LAMP3: variants seen among roughly 807,000 people sequenced by gnomAD.
LAMP3 encodes lysosome associated membrane protein 3.
LAMP3 carries 26 observed loss-of-function variants against 34.8 expected under a neutral mutation model. The ratio of observed to expected loss-of-function variants is 0.75; its 90% CI spans 0.55 to 1.04. The LOEUF (loss-of-function observed/expected upper bound fraction) is 1.04, where lower values mean the gene tolerates loss of function less well. LAMP3 is among the 50% of genes least tolerant of loss of function. The pLI, the probability that LAMP3 is intolerant of heterozygous loss-of-function variation, is 0.00. For synonymous variants in LAMP3, 180 were observed against 201.9 expected (o/e 0.89, Z 0.92); for missense variants, 495 against 524.0 (o/e 0.94, Z 0.54).
chr3:183,149,413 G>A (rs1720545120), intron 3 of LAMP3, among the ~76,000 whole-genome samples: 1 of 151,214 alleles, frequency 6.6e-6, no homozygotes, highest in South Asian at 2.1e-4. Context: ...GGTGGTGCGT[G>A]GCTGTAGTGT....
At chr3:183,161,149 G>A (rs951556812) in intron 1 of LAMP3, among the ~76,000 whole-genome samples, 1 of 152,156 alleles carries the variant, frequency 6.6e-6, no homozygotes, top group Non-Finnish European at 1.5e-5. Flanking sequence ...TTCAGTGAGG[G>A]AACTGAGCAC....
chr3:183,136,779 T>C (rs1426980276), intron 4 of LAMP3, among the ~76,000 whole-genome samples: 4 of 151,906 alleles, frequency 2.6e-5, no homozygotes, highest in African/African-American at 9.7e-5. Flanking sequence ...GCCTAAGGAC[T>C]GGCCCTCTCT....
intron 1 of LAMP3, among the ~76,000 whole-genome samples, chr3:183,161,390 TTTTA>T (rs1417555463): frequency 6.6e-6 from 1 of 151,186 alleles, no homozygotes; most frequent in Non-Finnish European, 1.5e-5. Flanking sequence ...GTATTTTTAT[TTTTA>T]TTTATTTATT....
chr3:183,154,077 C>T lies in LAMP3; in HGVS notation c.364G>A (p.Glu122Lys), dbSNP rs1720749083. 4.3e-6 allele frequency: 7 copies of T among 1,614,098 alleles called. No individual in the cohort carries two copies. Among genetic ancestry groups the T allele is most frequent in the East Asian group, 4.5e-5 (2 of 44,884 alleles). The change falls in exon 2 of 6, where the codon GAA (glutamate) becomes AAA (lysine). Residue 122 changes from glutamate to lysine, a missense_variant. Coordinates refer to ENST00000265598, the MANE Select transcript of LAMP3 (RefSeq NM_014398.4). ...GCTAAGCTAGGGCCGACTGTAACTTCAGTAACTGGAGGAGCTGTGTGTGAG... is the reference window on the plus strand; with the variant it reads ...GCTAAGCTAGGGCCGACTGTAACTTTAGTAACTGGAGGAGCTGTGTGTGAG... The part of the protein sequence containing the change: ...NNSHTAPPVT[E>K]VTVGPSLAPY...
At chr3:183,129,013 ACT>A (rs1383092787) in intron 5 of LAMP3, among the ~76,000 whole-genome samples, 1 of 152,174 alleles carries the variant, frequency 6.6e-6, no homozygotes, top group African/African-American at 2.4e-5. Flanking sequence ...ACAGAGCAAG[ACT>A]CTGTCTCAAA....
intron 5 of LAMP3, among the ~76,000 whole-genome samples, chr3:183,131,233 T>C (rs973318655): frequency 1.3e-5 from 2 of 152,228 alleles, no homozygotes; most frequent in African/African-American, 4.8e-5. Flanking sequence ...TACTTGATTT[T>C]AAATTCTGCT....
chr3:183,135,816 C>T lies in LAMP3; in HGVS notation c.1018G>A (p.Val340Met), dbSNP rs763889828. Residue 340 changes from valine (V) to methionine (M), a missense_variant, in exon 5 of 6, where the codon GTG becomes ATG. Coordinates refer to ENST00000265598, the MANE Select transcript of LAMP3 (RefSeq NM_014398.4). Reference sequence around the variant, plus strand: ...GACAACTGGAGGCTCTGTTCACTCACGCACTTGAAGGAATGCCCGACTGCT... The same window carrying T: ...GACAACTGGAGGCTCTGTTCACTCATGCACTTGAAGGAATGCCCGACTGCT... ...QTAVGHSFKC[V>M]SEQSLQLSAH... is the part of the protein sequence containing the mutation. The T allele has an allele frequency of 3.8e-5, 62 of 1,613,846 alleles. No homozygotes were observed. Among genetic ancestry groups the T allele is most frequent in the Middle Eastern group, 1.6e-4 (1 of 6,084 alleles).
chr3:183,148,646 G>A (rs560219042), intron 3 of LAMP3, among the ~76,000 whole-genome samples: 27 of 152,308 alleles, frequency 1.8e-4, no homozygotes, highest in African/African-American at 5.5e-4. Context: ...ACAATGAGAT[G>A]TCATCTCACC....
At chr3:183,159,691 C>A (rs1157313032) in intron 1 of LAMP3, among the ~76,000 whole-genome samples, 1 of 152,236 alleles carries the variant, frequency 6.6e-6, no homozygotes, top group Non-Finnish European at 1.5e-5. Flanking sequence ...ACCCAGTCTC[C>A]CCTTCTTTCT....
intron 2 of LAMP3, 22 bp downstream of exon 2, chr3:183,153,660 T>C: frequency 2.7e-6 from 4 of 1,474,788 alleles, no homozygotes; most frequent in Non-Finnish European, 3.6e-6. Context: ...GATAGTGTTA[T>C]AGTCCTGTGG....
In LAMP3 at chr3:183,131,472, C is replaced by G. The variant is rs16833706; in HGVS notation, c.1117+4245G>C. Reference sequence around the variant, plus strand: ...CCAAAGCCAAGCTCTTGCTGTTAAGCCCGAGTCTCTTTGGGGAACTCCCGG... The same window carrying G: ...CCAAAGCCAAGCTCTTGCTGTTAAGGCCGAGTCTCTTTGGGGAACTCCCGG... On this transcript the variant is annotated intron_variant, in intron 5 of 5. Transcript: ENST00000265598. Among the ~76,000 whole-genome samples the G allele has an allele frequency of 2.4e-3, 371 of 152,238 alleles. 1 individual carries two copies. Among genetic ancestry groups the G allele is most frequent in the African/African-American group, 8.7e-3 (363 of 41,528 alleles).
intron 4 of LAMP3, among the ~76,000 whole-genome samples, chr3:183,136,810 C>G (rs1560306449): frequency 6.6e-6 from 1 of 152,008 alleles, no homozygotes; most frequent in African/African-American, 2.4e-5. Context: ...ACACCCTGTT[C>G]AAGGAAGTGG....
chr3:183,133,908 TA>T (rs1720002318), intron 5 of LAMP3, among the ~76,000 whole-genome samples: 1 of 152,154 alleles, frequency 6.6e-6, no homozygotes, highest in African/African-American at 2.4e-5. Flanking sequence ...ATCCCCTGTT[TA>T]AAAATCGCCT....
At chr3:183,149,952 T>C (rs539568443) in intron 3 of LAMP3, among the ~76,000 whole-genome samples, 2 of 152,338 alleles carry the variant, frequency 1.3e-5, no homozygotes, top group South Asian at 4.1e-4. Context: ...TGGGAATTTT[T>C]ACCTTCTGTG....
chr3:183,128,650 C>T (rs144410735), intron 5 of LAMP3, among the ~76,000 whole-genome samples: 2 of 152,312 alleles, frequency 1.3e-5, no homozygotes, highest in East Asian at 3.9e-4. Flanking sequence ...TCAACATCCT[C>T]CCATCTCAGC....
intron 5 of LAMP3, chr3:183,132,778 C>A: frequency 1.0e-6 from 1 of 985,414 alleles, no homozygotes; most frequent in Non-Finnish European, 1.2e-6. Context: ...CTGGAATTCC[C>A]AAGACCTTAA....
intron 3 of LAMP3, among the ~76,000 whole-genome samples, chr3:183,150,565 CTTT>C (rs10665288): frequency 0.027 from 2,358 of 86,060 alleles, 19 homozygotes; most frequent in Non-Finnish European, 0.041. Context: ...GCCAAAGTGA[CTTT>C]TTTTTTTTTT....
At position 183,154,116 on chromosome 3, in the gene LAMP3, C is replaced by T; in HGVS notation, c.325G>A (p.Ala109Thr). Reference protein sequence around the residue: ...PITYTLVTTQATPNNSHTAPP... With the variant: ...PITYTLVTTQTTPNNSHTAPP... ...GCTGTGTGTGAGTTGTTGGGTGTGG[C>T]CTGGGTTGTGACCAGGGTGTAGGTA... Residue 109 changes from alanine to threonine, a missense_variant, in exon 2 of 6, where the codon GCC becomes ACC. Physicochemically the swap from Ala to Thr is moderately conservative, Grantham distance 58. Coordinates refer to ENST00000265598, the MANE Select transcript of LAMP3 (RefSeq NM_014398.4). 6.2e-7 allele frequency: 1 copy of T among 1,614,052 alleles called. No homozygotes were observed. Among genetic ancestry groups the T allele is most frequent in the Non-Finnish European group, 8.5e-7 (1 of 1,180,000 alleles).
intron 3 of LAMP3, among the ~76,000 whole-genome samples, 165 bp from the exon 4 acceptor site, chr3:183,140,760 A>T (rs1376226901): frequency 6.6e-6 from 1 of 152,210 alleles, no homozygotes. Context: ...AAAAAAGTAA[A>T]CATACCACAA....
Sources: allele counts gnomAD v4.1 joint callset (sites outside exome capture counted in the v4.1 genomes callset), GRCh38; gene constraint gnomAD v4.1.1; transcripts MANE v1.5; gene names NCBI Gene and HGNC (gene_info 2026-07-23, HGNC 2026-07-21).